Variants in AP3M2 observed in about 807,000 individuals in gnomAD.
AP3M2 encodes AP-3 complex subunit mu-2.
Under a neutral mutation model 41.6 loss-of-function variants are expected in AP3M2, and 28 were observed. The ratio of observed to expected loss-of-function variants is 0.67; its 90% CI spans 0.50 to 0.92. The LOEUF (loss-of-function observed/expected upper bound fraction) is 0.92. Ranked by LOEUF, AP3M2 falls within the 40% of genes least tolerant of loss-of-function variation. AP3M2 has a pLI of 0.00. For missense variants in AP3M2, 427 were observed against 521.4 expected, an observed-to-expected ratio of 0.82 and a Z score of 1.76; for synonymous variants, 193 against 186.4, an observed-to-expected ratio of 1.04 and a Z score of -0.29.
chr8:42,155,050 TAAA>T, intron 2 of AP3M2, 90 bp downstream of exon 2: 4 of 958,712 alleles, frequency 4.2e-6, no homozygotes, highest in African/African-American at 1.7e-5. Context: ...TTAAGAAACT[TAAA>T]AAAAAAAATC....
In AP3M2 at chr8:42,158,032, C is replaced by G; in HGVS notation, c.365C>G (p.Pro122Arg). Residue 122 changes from proline (P) to arginine (R), a missense_variant, in exon 3 of 9, where the codon CCA (proline) becomes CGA (arginine). Physicochemically the swap from Pro to Arg is moderately radical, Grantham distance 103. Transcript: ENST00000396926. ...GAAGAGATGCTTGACAATGGTTTTC[C>G]ATTGGCTACCGAGTCGAACATTCTT... ...VLEEMLDNGF[P>R]LATESNILKE... 1.7e-5 allele frequency: 27 copies of G among 1,614,124 alleles called. No homozygotes were observed. Among genetic ancestry groups the G allele is most frequent in the Non-Finnish European group, 2.2e-5 (26 of 1,180,022 alleles).
At position 42,170,525 on chromosome 8, in the gene AP3M2, G is replaced by C. The variant is rs1804771128; in HGVS notation, c.*1464G>C. On this transcript the variant is annotated 3_prime_UTR_variant, in exon 9 of 9. Coordinates refer to ENST00000396926, the MANE Select transcript of AP3M2 (RefSeq NM_006803.4). ...TTTATAGCTTAAGGAATGATACTGT[G>C]CTCTGCTTGGTGCATGGAGAAAAAG... 6.6e-6 allele frequency: 1 copy of C among 152,160 alleles called. No homozygotes were observed. The highest frequency in any genetic ancestry group is 1.9e-4 in the East Asian group (1 of 5,202). The allele number at this position is 152,160 out of a possible 1,614,324, so 9.4% of individuals were successfully genotyped here. A position where few individuals can be genotyped will look rare whatever the true frequency, so the allele number is the denominator to read the frequency against.
intron 6 of AP3M2, among the ~76,000 whole-genome samples, chr8:42,166,552 C>T (rs1804640779): frequency 7.5e-6 from 1 of 133,230 alleles, no homozygotes; most frequent in Non-Finnish European, 1.5e-5. Flanking sequence ...CCCAGGAGTT[C>T]GAGACCAGCA....
In AP3M2 at chr8:42,165,503, C is replaced by G. The variant is rs200497514; in HGVS notation, c.746C>G (p.Ser249Cys). The G allele has an allele frequency of 6.2e-7, 1 of 1,614,184 alleles. No homozygotes were observed. Among genetic ancestry groups the G allele is most frequent in the Admixed American group, 1.7e-5 (1 of 60,024 alleles). ...CGCTGGGAATCTGAGCGCATCCTCTCCTTCATCCCTCCTGATGGAAACTTC... is the reference window on the plus strand; with the variant it reads ...CGCTGGGAATCTGAGCGCATCCTCTGCTTCATCCCTCCTGATGGAAACTTC... ...FKRWESERIL[S>C]FIPPDGNFRL... The change falls in exon 6 of 9, where the codon TCC becomes TGC. Residue 249 changes from serine (S) to cysteine (C), a missense_variant. Physicochemically the swap from Ser to Cys is moderately radical, Grantham distance 112. Around this residue, in one of 3 missense-constraint regions of AP3M2, gnomAD observed 237 missense variants for 284.9 expected, o/e 0.83. Transcript: ENST00000396926.
intron 7 of AP3M2, 104 bp downstream of exon 7, chr8:42,167,475 A>G: frequency 2.1e-6 from 3 of 1,441,262 alleles, no homozygotes; most frequent in African/African-American, 2.8e-5. Flanking sequence ...AGATGAGTCA[A>G]AGGGACCTTG....
rs1456711153 is a variant in AP3M2, at chr8:42,169,245, G to A, written c.*184G>A. The A allele has an allele frequency of 2.0e-6, 1 of 509,824 alleles. No homozygotes were observed. Among genetic ancestry groups the A allele is most frequent in the East Asian group, 3.4e-5 (1 of 29,276 alleles). 31.6% of individuals were successfully genotyped at this position (509,824 alleles called of 1,614,324 possible). On this transcript the variant is annotated 3_prime_UTR_variant, in exon 9 of 9. Transcript: ENST00000396926. Reference sequence around the variant, plus strand: ...AGGAAAAGGTCACCAGGGAGAACTGGACAGAACTGAAACACAGCAACACCA... The same window carrying A: ...AGGAAAAGGTCACCAGGGAGAACTGAACAGAACTGAAACACAGCAACACCA...
intron 3 of AP3M2, among the ~76,000 whole-genome samples, chr8:42,159,440 G>C (rs894038068): frequency 2.6e-5 from 4 of 152,072 alleles, no homozygotes; most frequent in Non-Finnish European, 5.9e-5. Context: ...TTGATATCTT[G>C]TATTTACAGT....
chr8:42,167,495 G>A (rs919452178), intron 7 of AP3M2, 124 bp downstream of exon 7: 1 of 1,376,594 alleles, frequency 7.3e-7, no homozygotes, highest in African/African-American at 1.4e-5. Context: ...GTTTTCTCCT[G>A]CCAGGTAACT....
intron 3 of AP3M2, among the ~76,000 whole-genome samples, chr8:42,161,602 C>A (rs1804507759): frequency 6.6e-6 from 1 of 151,764 alleles, no homozygotes; most frequent in African/African-American, 2.4e-5. Flanking sequence ...GAGCGAGACT[C>A]TATCTAAAAA....
chr8:42,162,051 A>C, intron 3 of AP3M2: 1 of 356,320 alleles, frequency 2.8e-6, no homozygotes, highest in Non-Finnish European at 5.0e-6. Context: ...TTCTCAGGTA[A>C]CTTTTTCTTA....
chr8:42,169,172 C>T lies in AP3M2; in HGVS notation c.*111C>T. ...TAGGTCAGTCCCCTCCTGGACCCAC[C>T]CGCTCCCTTTTTTCCTTAGCCTTCA... On this transcript the variant is annotated 3_prime_UTR_variant, in exon 9 of 9. Transcript: ENST00000396926. The T allele has an allele frequency of 1.3e-6, 1 of 794,844 alleles. No individual in the cohort carries two copies. The highest frequency in any genetic ancestry group is 1.9e-6 in the Non-Finnish European group (1 of 523,404). 49.2% of individuals were successfully genotyped at this position (794,844 alleles called of 1,614,324 possible). A position where few individuals can be genotyped will look rare whatever the true frequency, so the allele number is the denominator to read the frequency against.
Position 42,162,341 on chromosome 8 carries a change from G to A in AP3M2, c.506G>A (p.Arg169Gln), listed in dbSNP as rs1326404336. 4 of 1,613,712 alleles carry A rather than the reference G, an allele frequency of 2.5e-6. No individual in the cohort carries two copies. The highest frequency in any genetic ancestry group is 2.5e-6 in the Non-Finnish European group (3 of 1,179,826). Residue 169 changes from arginine to glutamine, a missense_variant, in exon 4 of 9, where the codon CGG becomes CAG. Physicochemically the swap from Arg to Gln is conservative, Grantham distance 43. Around this residue, in one of 3 missense-constraint regions of AP3M2, gnomAD observed 86 missense variants for 142.6 expected, o/e 0.60. Coordinates refer to ENST00000396926, the MANE Select transcript of AP3M2 (RefSeq NM_006803.4). ...TGQLSVVPWR[R>Q]TGVKYTNNEA... Reference sequence around the variant, plus strand: ...CAGCTGTCAGTGGTGCCTTGGCGACGGACTGGGGTGAAATATACCAACAAT... The same window carrying A: ...CAGCTGTCAGTGGTGCCTTGGCGACAGACTGGGGTGAAATATACCAACAAT...
At chr8:42,156,122 T>C in intron 2 of AP3M2, 1 of 436,234 alleles carries the variant, frequency 2.3e-6, no homozygotes. Flanking sequence ...GGCCTTGTTA[T>C]GATTTCCACG....
At chr8:42,156,011 A>G (rs1420102754) in intron 2 of AP3M2, 2 of 455,250 alleles carry the variant, frequency 4.4e-6, no homozygotes, top group South Asian at 3.1e-5. Context: ...TTCTCATGCA[A>G]CATACCGGCC....
At position 42,165,110 on chromosome 8, in the gene AP3M2, C is replaced by G. The variant is rs768728193; in HGVS notation, c.623C>G (p.Ala208Gly). The change falls in exon 5 of 9, where the codon GCC becomes GGC. Residue 208 changes from alanine to glycine, a missense_variant. Physicochemically the swap from Ala to Gly is moderately conservative, Grantham distance 60 (BLOSUM62 0). Coordinates refer to ENST00000396926, the MANE Select transcript of AP3M2 (RefSeq NM_006803.4). ...GCTGAGATCCAGGGGGTGATTGATG[C>G]CTGTGTCAAGCTGACTGGCATGCCA... ...ITAEIQGVID[A>G]CVKLTGMPDL... 2 of 1,613,968 alleles carry G rather than the reference C, an allele frequency of 1.2e-6. No individual in the cohort carries two copies. The highest frequency in any genetic ancestry group is 3.3e-5 in the Admixed American group (2 of 59,988).
At chr8:42,166,966 TAGTTACTAGAC>T (rs1341189795) in intron 6 of AP3M2, 187 bp from the exon 7 acceptor site, 11 of 577,664 alleles carry the variant, frequency 1.9e-5, no homozygotes, top group African/African-American at 1.3e-4. Context: ...AAAGTTAATT[TAGTTACTAGAC>T]AGTAGCTTTT....
chr8:42,170,808 C>T lies in AP3M2; in HGVS notation c.*1747C>T, dbSNP rs996117846. On this transcript the variant is annotated 3_prime_UTR_variant, in exon 9 of 9. Coordinates refer to ENST00000396926, the MANE Select transcript of AP3M2 (RefSeq NM_006803.4). ...GTGGATTCTCAAGTACTTGGAAGCA[C>T]CTCTCCTGAGGAACCTACAGGATTC... is the stretch of plus-strand genomic sequence containing the variant. 2 of 152,232 alleles carry T rather than the reference C, an allele frequency of 1.3e-5. No homozygotes were observed. The highest frequency in any genetic ancestry group is 2.1e-4 in the South Asian group (1 of 4,838). 9.4% of individuals were successfully genotyped at this position (152,232 alleles called of 1,614,324 possible).
At position 42,157,794 on chromosome 8, in the gene AP3M2, TG is replaced by T. The variant is rs1254779286; in HGVS notation, c.274-145del. On this transcript the variant is annotated intron_variant, in intron 2 of 8. Transcript: ENST00000396926. ...CCAAACAGACTGCCTAAGAGAACTATGGTTATGCTGCATTCCCTCGTTGTAG... is the reference window on the plus strand; with the variant it reads ...CCAAACAGACTGCCTAAGAGAACTATGTTATGCTGCATTCCCTCGTTGTAG... The T allele has an allele frequency of 9.0e-6, 6 of 670,086 alleles. No individual in the cohort carries two copies. In the Admixed American group the frequency reaches 1.8e-4, roughly 20 times the overall value. The allele number at this position is 670,086 out of a possible 1,614,324, so 41.5% of individuals were successfully genotyped here. A position where few individuals can be genotyped will look rare whatever the true frequency, so the allele number is the denominator to read the frequency against.
chr8:42,157,399 C>T (rs77758638), intron 2 of AP3M2, among the ~76,000 whole-genome samples: 15,484 of 152,212 alleles, frequency 0.1, 1,001 homozygotes, highest in East Asian at 0.18. Context: ...CTAACGTTAG[C>T]CTTTTAAATA....
Sources: gnomAD v4.1 joint callset for allele counts (sites outside exome capture counted in the v4.1 genomes callset) on GRCh38, gnomAD v4.1.1 for gene constraint, gnomAD v4.1.1 regional missense constraint, MANE v1.5 for transcripts, NCBI Gene and HGNC (gene_info 2026-07-23, HGNC 2026-07-21) for gene names.